The following RASAL2 variants were observed in gnomAD, a reference collection of about 807,000 sequenced individuals.
RASAL2 encodes the protein RAS protein activator like 2.
A neutral mutation model predicts 128.9 loss-of-function variants in RASAL2; 58 were observed. The ratio of observed to expected loss-of-function variants is 0.45; its 90% CI spans 0.36 to 0.56. The LOEUF is 0.56. Among genes scored for constraint, RASAL2 ranks in the 20% least tolerant of loss-of-function variants. The pLI, the probability that RASAL2 is intolerant of heterozygous loss-of-function variation, is 0.00. For missense variants in RASAL2, 1,360 were observed against 1,601.6 expected (o/e 0.85, Z 2.57); for synonymous variants, 561 against 580.8 (o/e 0.97, Z 0.49).
intron 1 of RASAL2, among the ~76,000 whole-genome samples, chr1:178,176,130 A>G (rs961020521): frequency 2.0e-5 from 3 of 152,152 alleles, no homozygotes; most frequent in African/African-American, 7.2e-5. Flanking sequence ...AGAAATCTCC[A>G]TACTGTTTAC....
intron 2 of RASAL2, among the ~76,000 whole-genome samples, chr1:178,296,775 C>A (rs1219169950): frequency 1.3e-5 from 2 of 148,908 alleles, no homozygotes; most frequent in Non-Finnish European, 3.0e-5. Context: ...CGGGTTCAAG[C>A]AGTTCTCCTG....
intron 1 of RASAL2, among the ~76,000 whole-genome samples, chr1:178,114,687 A>T (rs1343536792): frequency 2.0e-5 from 3 of 151,980 alleles, no homozygotes; most frequent in African/African-American, 7.2e-5. Flanking sequence ...ACGCCCGGCT[A>T]ATTTTTTCTA....
chr1:178,374,182 A>G (rs972085503), intron 3 of RASAL2, among the ~76,000 whole-genome samples: 3 of 152,148 alleles, frequency 2.0e-5, no homozygotes, highest in African/African-American at 7.2e-5. Context: ...GCTCCTCCAC[A>G]GGAATGAGGA....
intron 1 of RASAL2, among the ~76,000 whole-genome samples, chr1:178,270,900 G>A (rs1375084672): frequency 1.3e-5 from 2 of 152,164 alleles, no homozygotes; most frequent in Non-Finnish European, 1.5e-5. Context: ...TGTCTGGAAT[G>A]TAAAAGTCTA....
At chr1:178,290,857 T>A (rs1179627441) in intron 2 of RASAL2, among the ~76,000 whole-genome samples, 2 of 152,080 alleles carry the variant, frequency 1.3e-5, no homozygotes, top group African/African-American at 4.8e-5. Context: ...TTTGTATTTT[T>A]AGTAGAGACA....
intron 4 of RASAL2, among the ~76,000 whole-genome samples, chr1:178,392,641 T>A (rs1672982713): frequency 6.6e-6 from 1 of 152,192 alleles, no homozygotes; most frequent in African/African-American, 2.4e-5. Flanking sequence ...GAGTCTTTTT[T>A]CCTCTTGCTG....
rs148606620 is a variant in RASAL2, at chr1:178,237,318, C to T, written c.203-46246C>T. Among the ~76,000 whole-genome samples the T allele has an allele frequency of 3.5e-3, 536 of 151,876 alleles. 3 individuals carry two copies. The highest frequency in any genetic ancestry group is 0.012 in the African/African-American group (490 of 41,422). Reference sequence around the variant, plus strand: ...GAGAGCATCGCTTCAAGCAGTATTGCGGAATAAAGGGGCAGGAGTTTAGCA... The same window carrying T: ...GAGAGCATCGCTTCAAGCAGTATTGTGGAATAAAGGGGCAGGAGTTTAGCA... On this transcript the variant is annotated intron_variant, in intron 1 of 17. Transcript: ENST00000367649.
chr1:178,137,971 G>A (rs114916518), intron 1 of RASAL2, among the ~76,000 whole-genome samples: 3,013 of 152,264 alleles, frequency 0.02, 87 homozygotes, highest in African/African-American at 0.065. Flanking sequence ...TAAAGGGCAG[G>A]TGTTCTGGAT....
intron 1 of RASAL2, among the ~76,000 whole-genome samples, chr1:178,206,216 G>A (rs6659937): frequency 6.6e-6 from 1 of 152,190 alleles, no homozygotes; most frequent in African/African-American, 2.4e-5. Flanking sequence ...GGAAAGAGGG[G>A]TAGCATTCTG....
intron 3 of RASAL2, among the ~76,000 whole-genome samples, chr1:178,331,508 G>C (rs1022817984): frequency 6.7e-6 from 1 of 150,064 alleles, no homozygotes; most frequent in Non-Finnish European, 1.5e-5. Flanking sequence ...TGGGGTTTTT[G>C]TTGCTATTAG....
At chr1:178,350,917 G>C (rs1230409612) in intron 3 of RASAL2, among the ~76,000 whole-genome samples, 2 of 152,144 alleles carry the variant, frequency 1.3e-5, no homozygotes, top group Non-Finnish European at 2.9e-5. Context: ...AGGTTTAATT[G>C]GCTCATAGTT....
intron 1 of RASAL2, among the ~76,000 whole-genome samples, chr1:178,208,991 T>A (rs34303391): frequency 0.089 from 13,484 of 152,156 alleles, 629 homozygotes; most frequent in Middle Eastern, 0.14. Flanking sequence ...TTTTTTTTTT[T>A]AAATGATCGT....
chr1:178,451,713 C>T lies in RASAL2; in HGVS notation c.1770C>T (p.Tyr590=), dbSNP rs775813296. The change falls in exon 10 of 18, where the codon TAC becomes TAT. Residue 590 remains tyrosine, a splice_region_variant and synonymous_variant. Transcript: ENST00000367649. ...ELAFCKIINS[Y]CVFPRELKEV... ...CTTTCTGCAAGATCATCAACTCTTA[C>T]TGGTGAGCTTATCTTATCCTCTGCC... 1.2e-6 allele frequency: 2 copies of T among 1,612,936 alleles called. No individual in the cohort carries two copies. The highest frequency in any genetic ancestry group is 8.5e-7 in the Non-Finnish European group (1 of 1,179,396).
intron 3 of RASAL2, among the ~76,000 whole-genome samples, chr1:178,379,311 T>C (rs1437553958): frequency 6.6e-6 from 1 of 151,336 alleles, no homozygotes; most frequent in African/African-American, 2.4e-5. Flanking sequence ...AGACCAGAAG[T>C]TTGAGGCAGT....
At chr1:178,438,881 C>CTGTGTGTGTGTG (rs3042589) in intron 5 of RASAL2, among the ~76,000 whole-genome samples, 1,362 of 129,432 alleles carry the variant, frequency 0.011, 21 homozygotes, top group East Asian at 0.026. Context: ...AGCTTCGACT[C>CTGTGTGTGTGTG]TGTGTGTGTG....
intron 3 of RASAL2, among the ~76,000 whole-genome samples, chr1:178,373,274 C>CTTTTTTTTTCTTTTTTTTTTTTTTTT (rs1671814852): frequency 1.7e-5 from 1 of 60,072 alleles, no homozygotes; most frequent in Non-Finnish European, 3.0e-5. Flanking sequence ...TGTTTCTTTC[C>CTTTTTTTTTCTTTTTTTTTTTTTTTT]TTTTTTTTTT....
chr1:178,284,833 C>A (rs1361242492), intron 2 of RASAL2, among the ~76,000 whole-genome samples: 1 of 152,116 alleles, frequency 6.6e-6, no homozygotes, highest in Non-Finnish European at 1.5e-5. Context: ...ATTGCCAAAA[C>A]TATATAAATA....
rs149543816 is a variant in RASAL2 at position 178,213,963 on chromosome 1, C to T, written c.203-69601C>T. On this transcript the variant is annotated intron_variant, in intron 1 of 17. Transcript: ENST00000367649. ...TATCTGAATTCAGGAAGAGGCTGGA[C>T]GTGGTAGCTCATACCTGTAATTCTA... is the stretch of plus-strand genomic sequence containing the variant. 6.5e-4 allele frequency among the ~76,000 whole-genome samples: 99 copies of T among 151,818 alleles called. 2 individuals carry two copies. In the East Asian group the frequency reaches 0.016, roughly 25 times the overall value.
Position 178,420,582 on chromosome 1 carries a change from G to T in RASAL2, c.636G>T (p.Thr212=). The change falls in exon 5 of 18, where the codon ACG becomes ACT. Residue 212 remains threonine (T), a synonymous_variant. Transcript: ENST00000367649. Reference sequence around the variant, plus strand: ...GCCAGTCAAAGCTTGACAGAAACACGAGCTTTCGGCTTCCATCCCTTCGCA... The same window carrying T: ...GCCAGTCAAAGCTTGACAGAAACACTAGCTTTCGGCTTCCATCCCTTCGCA... The part of the protein sequence containing the change: ...TKSQSKLDRN[T]SFRLPSLRST... 6.2e-7 allele frequency: 1 copy of T among 1,612,792 alleles called. No homozygotes were observed. The highest frequency in any genetic ancestry group is 8.5e-7 in the Non-Finnish European group (1 of 1,179,176).
Sources: gnomAD v4.1 joint callset for allele counts (sites outside exome capture counted in the v4.1 genomes callset) on GRCh38, gnomAD v4.1.1 for gene constraint, MANE v1.5 for transcripts, NCBI Gene and HGNC (gene_info 2026-07-23, HGNC 2026-07-21) for gene names.